The following PPIL2 variants were observed in gnomAD, a reference collection of about 807,000 sequenced individuals.
PPIL2 encodes peptidylprolyl isomerase like 2, also known as RING-type E3 ubiquitin-protein ligase PPIL2.
In PPIL2, 50 loss-of-function variants were observed where a neutral mutation model predicts 75.2. The observed-to-expected ratio is 0.66, with a 90% confidence interval of 0.53 to 0.84. The LOEUF (loss-of-function observed/expected upper bound fraction) is 0.84, where lower values mean the gene tolerates loss of function less well. Among genes scored for constraint, PPIL2 ranks in the 40% least tolerant of loss-of-function variants. The pLI is 0.00. For missense variants in PPIL2, 590 were observed against 685.0 expected (o/e 0.86, Z 1.55); for synonymous variants, 245 against 258.8 (o/e 0.95, Z 0.51).
intron 6 of PPIL2, among the ~76,000 whole-genome samples, chr22:21,679,558 G>A (rs536866463): frequency 9.2e-5 from 14 of 151,918 alleles, no homozygotes; most frequent in East Asian, 2.0e-4. Context: ...CTGTGATTGC[G>A]CCACTGCATT....
At position 21,675,087 on chromosome 22, in the gene PPIL2, C is replaced by G. The variant is rs957559585; in HGVS notation, c.267C>G (p.Ile89Met). 1.9e-6 allele frequency: 3 copies of G among 1,613,330 alleles called. No homozygotes were observed. Among genetic ancestry groups the G allele is most frequent in the Non-Finnish European group, 2.5e-6 (3 of 1,179,334 alleles). ...NGEKLDGRSL[I>M]KLNFSKNSEG... ...AGAAGCTGGACGGGAGGTCCCTGAT[C>G]AAGCTGAACTTTTCCAAGAACAGTG... is the stretch of plus-strand genomic sequence containing the variant. Residue 89 changes from isoleucine to methionine, a missense_variant, in exon 6 of 20, where the codon ATC becomes ATG. Ile to Met is a conservative substitution (Grantham distance 10, BLOSUM62 1). Coordinates refer to ENST00000398831, the MANE Select transcript of PPIL2 (RefSeq NM_014337.4).
chr22:21,668,259 C>T (rs1259822601), intron 1 of PPIL2, among the ~76,000 whole-genome samples: 5 of 152,096 alleles, frequency 3.3e-5, no homozygotes, highest in Non-Finnish European at 5.9e-5. Flanking sequence ...GGATAGAGAT[C>T]AGCTGTGCCT....
chr22:21,683,977 G>A (rs574161801), intron 9 of PPIL2, among the ~76,000 whole-genome samples: 35 of 152,298 alleles, frequency 2.3e-4, no homozygotes, highest in Non-Finnish European at 4.1e-4. Flanking sequence ...GGAGGCCAAG[G>A]CAGGCGGATT....
intron 6 of PPIL2, among the ~76,000 whole-genome samples, chr22:21,675,916 G>T (rs1255092626): frequency 6.6e-6 from 1 of 152,238 alleles, no homozygotes; most frequent in African/African-American, 2.4e-5. Flanking sequence ...TGTTCTTGTG[G>T]CCAGAGGCCC....
chr22:21,691,341 T>G (rs2067624291), intron 15 of PPIL2, among the ~76,000 whole-genome samples: 1 of 152,200 alleles, frequency 6.6e-6, no homozygotes, highest in South Asian at 2.1e-4. Flanking sequence ...AGACTTTAAT[T>G]TGTTACAGCT....
At position 21,695,086 on chromosome 22, in the gene PPIL2, C is replaced by A. The variant is rs780357197; in HGVS notation, c.1466+16C>A. 10 of 1,582,740 alleles carry A rather than the reference C, an allele frequency of 6.3e-6. No individual in the cohort carries two copies. The South Asian group carries it at 1.1e-4, about 18-fold the overall frequency. On this transcript the variant is annotated intron_variant, in intron 19 of 19. Coordinates refer to ENST00000398831, the MANE Select transcript of PPIL2 (RefSeq NM_014337.4). ...CAGCAGCCACGTGAGTGCCGCGGGG[C>A]TGGCCTCCCTGTTTCCCATGGTGTT...
rs573834899 is a variant in PPIL2, at chr22:21,688,708, C to T, written c.1022-24C>T. On this transcript the variant is annotated intron_variant, in intron 14 of 19. Transcript: ENST00000398831. ...CTCGGCTGGGGCCCAGGCTTTCCTG[C>T]TCCCATGGGCCTTTCTCTTCCAGGT... is the stretch of plus-strand genomic sequence containing the variant. The T allele has an allele frequency of 1.2e-4, 193 of 1,604,738 alleles. 3 individuals are homozygous for T. In the South Asian group the frequency reaches 2.1e-3, roughly 17 times the overall value.
intron 7 of PPIL2, 139 bp from the exon 8 acceptor site, chr22:21,682,298 G>A (rs2067160013): frequency 2.8e-6 from 2 of 709,448 alleles, no homozygotes; most frequent in African/African-American, 1.7e-5. Context: ...AGCCAGTGGG[G>A]TGTACACTGC....
intron 15 of PPIL2, among the ~76,000 whole-genome samples, chr22:21,692,398 C>T (rs748859820): frequency 1.3e-5 from 2 of 149,530 alleles, no homozygotes; most frequent in Non-Finnish European, 3.0e-5. Flanking sequence ...TTGTGATCCG[C>T]CCACCTTGGC....
Position 21,686,518 on chromosome 22 carries a change from C to G in PPIL2, c.750C>G (p.Phe250Leu). Residue 250 changes from phenylalanine (F) to leucine (L), a missense_variant, in exon 11 of 20, where the codon TTC (phenylalanine) becomes TTG (leucine). By Grantham distance (22) the Phe-to-Leu change is conservative. Transcript: ENST00000398831. Reference protein sequence around the residue: ...HYSTGKVSASFTSTAMVPETT... With the variant: ...HYSTGKVSASLTSTAMVPETT... ...CCACAGGGAAGGTCAGCGCTTCCTT[C>G]ACCTCCACCGCGATGGTCCCGGAGA... 1 of 1,614,194 alleles carries G rather than the reference C, an allele frequency of 6.2e-7. No individual in the cohort carries two copies. Among genetic ancestry groups the G allele is most frequent in the Non-Finnish European group, 8.5e-7 (1 of 1,180,018 alleles).
Position 21,684,820 on chromosome 22 carries a change from C to T in PPIL2, c.621C>T (p.Thr207=), listed in dbSNP as rs1420689415. 1.1e-5 allele frequency: 17 copies of T among 1,614,110 alleles called. No homozygotes were observed. Among genetic ancestry groups the T allele is most frequent in the Non-Finnish European group, 1.4e-5 (17 of 1,180,018 alleles). ...ATACAAATGCCGAGACCCGAGAGAC[C>T]CTGCAGGAGCTCTACAAGGAGTTCA... ...LKNTNAETRE[T]LQELYKEFKG... The change falls in exon 10 of 20, where the codon ACC becomes ACT. Residue 207 remains threonine (T), a synonymous_variant. Transcript: ENST00000398831.
In PPIL2 at chr22:21,696,269, T is replaced by TTCA; in HGVS notation, c.*782_*784dup. The TTCA allele has an allele frequency of 9.7e-7, 1 of 1,030,184 alleles. No homozygotes were observed. Among genetic ancestry groups the TTCA allele is most frequent in the Non-Finnish European group, 1.2e-6 (1 of 856,662 alleles). The allele number at this position is 1,030,184 out of a possible 1,614,324, so 63.8% of individuals were successfully genotyped here. On this transcript the variant is annotated 3_prime_UTR_variant, in exon 20 of 20. Transcript: ENST00000398831. Reference sequence around the variant, plus strand: ...TGCTCTGGCTGTGAACCACCTGGGCTTCATCTCAAGCCTGCCTGGCGTCTC... The same window carrying TTCA: ...TGCTCTGGCTGTGAACCACCTGGGCTTCATCATCTCAAGCCTGCCTGGCGTCTC...
chr22:21,676,676 G>C (rs1416237011), intron 6 of PPIL2, among the ~76,000 whole-genome samples: 1 of 149,222 alleles, frequency 6.7e-6, no homozygotes, highest in Non-Finnish European at 1.5e-5. Context: ...CACAGGGTTG[G>C]GGGTAAGGTC....
At chr22:21,679,167 A>G (rs1312261003) in intron 6 of PPIL2, among the ~76,000 whole-genome samples, 1 of 152,024 alleles carries the variant, frequency 6.6e-6, no homozygotes, top group East Asian at 1.9e-4. Flanking sequence ...AAGTGCTGGG[A>G]TTACAGGTGT....
chr22:21,689,666 A>G (rs945531667), intron 15 of PPIL2, among the ~76,000 whole-genome samples: 4 of 152,330 alleles, frequency 2.6e-5, no homozygotes, highest in African/African-American at 9.6e-5. Context: ...TGGTGTGCAC[A>G]TCAGTCACGT....
chr22:21,669,483 C>T (rs2066540866), intron 1 of PPIL2: 1 of 372,442 alleles, frequency 2.7e-6, no homozygotes. Flanking sequence ...GTGTGGCTGA[C>T]ATATAGTAGG....
intron 15 of PPIL2, among the ~76,000 whole-genome samples, chr22:21,692,294 T>TA (rs2148570674): frequency 6.6e-6 from 1 of 152,106 alleles, no homozygotes; most frequent in Non-Finnish European, 1.5e-5. Flanking sequence ...TAGCTGGGAC[T>TA]ACAGGCGCCC....
intron 2 of PPIL2, chr22:21,670,167 T>C (rs55762853): frequency 0.089 from 81,500 of 915,398 alleles, 4,293 homozygotes; most frequent in Non-Finnish European, 0.11. Context: ...TAAAATGTAA[T>C]TTAAAATATT....
Position 21,696,589 on chromosome 22 carries a change from T to C in PPIL2, c.*1099T>C. ...GTCTTCAGCCCAGGCCAGTGGTCAG[T>C]GTTCTCATGTCATGGACTCTCCTTG... On this transcript the variant is annotated 3_prime_UTR_variant, in exon 20 of 20. Transcript: ENST00000398831. The C allele has an allele frequency of 6.9e-7, 1 of 1,445,650 alleles. No individual in the cohort carries two copies. The highest frequency in any genetic ancestry group is 1.4e-5 in the South Asian group (1 of 69,620). 89.6% of individuals were successfully genotyped at this position (1,445,650 alleles called of 1,614,324 possible).
Sources: gnomAD v4.1 joint callset for allele counts (sites outside exome capture counted in the v4.1 genomes callset) on GRCh38, gnomAD v4.1.1 for gene constraint, MANE v1.5 for transcripts, NCBI Gene and HGNC (gene_info 2026-07-23, HGNC 2026-07-21) for gene names.